Variants in TMEM51 observed in about 807,000 individuals in gnomAD.
TMEM51 encodes the protein transmembrane protein 51, also known as chromosome 1 open reading frame 72.
A neutral mutation model predicts 13.6 loss-of-function variants in TMEM51; 8 were observed. The ratio of observed to expected loss-of-function variants is 0.59; its 90% confidence interval spans 0.35 to 1.07. The LOEUF is 1.07. Among genes scored for constraint, TMEM51 ranks in the 50% least tolerant of loss-of-function variants. The probability of loss-of-function intolerance (pLI) is 0.02; values close to 1 mark genes in which losing one functional copy is unlikely to be tolerated. For missense variants in TMEM51, 279 were observed against 330.7 expected, an observed-to-expected ratio of 0.84 and a Z score of 1.21; for synonymous variants, 147 against 144.4, an observed-to-expected ratio of 1.02 and a Z score of -0.13.
At chr1:15,167,423 C>T (rs1262793859) in intron 1 of TMEM51, among the ~76,000 whole-genome samples, 1 of 147,388 alleles carries the variant, frequency 6.8e-6, no homozygotes, top group African/African-American at 2.5e-5. Flanking sequence ...CGACAGTTTA[C>T]TTATCCCTTC....
intron 1 of TMEM51, chr1:15,192,743 G>A (rs573930496): frequency 7.3e-5 from 12 of 165,330 alleles, no homozygotes; most frequent in Non-Finnish European, 1.2e-4. Flanking sequence ...GAGCCACTGC[G>A]CCTGGCCGGT....
chr1:15,200,466 A>T (rs899597745), intron 1 of TMEM51, among the ~76,000 whole-genome samples: 1 of 148,638 alleles, frequency 6.7e-6, no homozygotes, highest in Non-Finnish European at 1.5e-5. Flanking sequence ...ACACGGAGGG[A>T]CAACCGCGTG....
Position 15,219,632 on chromosome 1 carries a change from G to T in TMEM51, c.651G>T (p.Arg217Ser). ...AAAAGCTTCACCTCAAAGACTTTAG[G>T]ATCAACCTCCCAGACAAAAACGTCC... Reference protein sequence around the residue: ...KSEKLHLKDFRINLPDKNVPP... With the variant: ...KSEKLHLKDFSINLPDKNVPP... The change falls in exon 4 of 4, where the codon AGG becomes AGT. Residue 217 changes from arginine to serine, a missense_variant. Physicochemically the swap from Arg to Ser is moderately radical, Grantham distance 110 (BLOSUM62 -1). Coordinates refer to ENST00000376008, the MANE Select transcript of TMEM51 (RefSeq NM_001136218.2). The T allele has an allele frequency of 6.2e-7, 1 of 1,614,034 alleles. No individual in the cohort carries two copies. The highest frequency in any genetic ancestry group is 8.5e-7 in the Non-Finnish European group (1 of 1,180,036).
At chr1:15,189,213 CTTTTTT>C (rs59346950) in intron 1 of TMEM51, among the ~76,000 whole-genome samples, 13 of 92,852 alleles carry the variant, frequency 1.4e-4, no homozygotes, top group Admixed American at 2.4e-4. Flanking sequence ...CTAATTTTTC[CTTTTTT>C]TTTTTTTTTT....
intron 1 of TMEM51, among the ~76,000 whole-genome samples, chr1:15,158,619 A>G (rs1336839417): frequency 6.6e-6 from 1 of 152,194 alleles, no homozygotes; most frequent in African/African-American, 2.4e-5. Flanking sequence ...AGGCGTTTCA[A>G]TAGCAAAGAT....
chr1:15,155,623 G>A (rs1302445281), intron 1 of TMEM51, among the ~76,000 whole-genome samples: 1 of 152,154 alleles, frequency 6.6e-6, no homozygotes, highest in Non-Finnish European at 1.5e-5. Context: ...TGGGCAGATC[G>A]AACAGCACAG....
At chr1:15,165,691 A>G (rs1360083852) in intron 1 of TMEM51, among the ~76,000 whole-genome samples, 1 of 152,244 alleles carries the variant, frequency 6.6e-6, no homozygotes, top group East Asian at 1.9e-4. Context: ...TATAATAGCA[A>G]TAAAACTAAA....
chr1:15,177,796 C>T (rs1183775096), intron 1 of TMEM51, among the ~76,000 whole-genome samples: 1 of 152,144 alleles, frequency 6.6e-6, no homozygotes, highest in Non-Finnish European at 1.5e-5. Context: ...GAATATTTCC[C>T]AGGTTATCAG....
At chr1:15,185,533 A>G (rs1048304989) in intron 1 of TMEM51, among the ~76,000 whole-genome samples, 22 of 152,212 alleles carry the variant, frequency 1.4e-4, no homozygotes, top group African/African-American at 5.3e-4. Flanking sequence ...ATTTACTGGG[A>G]TATTAATTTC....
At chr1:15,163,037 T>TA (rs766079423) in intron 1 of TMEM51, among the ~76,000 whole-genome samples, 18 of 152,024 alleles carry the variant, frequency 1.2e-4, no homozygotes, top group Non-Finnish European at 2.6e-4. Context: ...TTTATCACAC[T>TA]AAAAAGTTGG....
chr1:15,168,756 C>T, intron 1 of TMEM51: 5 of 1,304,244 alleles, frequency 3.8e-6, no homozygotes, highest in Non-Finnish European at 5.1e-6. Flanking sequence ...GACAAACTTG[C>T]TTCCCACAAG....
chr1:15,158,195 A>G (rs1444656579), intron 1 of TMEM51, among the ~76,000 whole-genome samples: 2 of 152,088 alleles, frequency 1.3e-5, no homozygotes, highest in African/African-American at 4.8e-5. Flanking sequence ...ACGTGCTTCC[A>G]CCCCTTGATG....
At chr1:15,179,559 G>A (rs1643549639) in intron 1 of TMEM51, among the ~76,000 whole-genome samples, 1 of 152,150 alleles carries the variant, frequency 6.6e-6, no homozygotes, top group South Asian at 2.1e-4. Context: ...GAGGTGGGAG[G>A]ATCACTTGAG....
intron 1 of TMEM51, among the ~76,000 whole-genome samples, chr1:15,182,103 G>A (rs989007334): frequency 2.0e-5 from 3 of 152,156 alleles, no homozygotes; most frequent in African/African-American, 7.2e-5. Flanking sequence ...GGAGGTTGCA[G>A]TTAGCCGAGA....
At chr1:15,159,408 G>A (rs1018620833) in intron 1 of TMEM51, among the ~76,000 whole-genome samples, 1 of 152,160 alleles carries the variant, frequency 6.6e-6, no homozygotes. Flanking sequence ...TCACTGTTGC[G>A]TGCACTAGGA....
intron 1 of TMEM51, among the ~76,000 whole-genome samples, chr1:15,204,562 T>C (rs1287336960): frequency 6.6e-6 from 1 of 152,088 alleles, no homozygotes; most frequent in Non-Finnish European, 1.5e-5. Flanking sequence ...TGATGGGAAC[T>C]CTGCCCTGCC....
chr1:15,167,317 A>T (rs1643047178), intron 1 of TMEM51, among the ~76,000 whole-genome samples: 1 of 117,312 alleles, frequency 8.5e-6, no homozygotes. Flanking sequence ...ACAGAGCGAG[A>T]CTCCATCTCA....
At chr1:15,219,088 T>G (rs557404640) in intron 3 of TMEM51, among the ~76,000 whole-genome samples, 1 of 152,076 alleles carries the variant, frequency 6.6e-6, no homozygotes, top group African/African-American at 2.4e-5. Context: ...CTGTCCTGCA[T>G]GACTAGTACT....
At chr1:15,177,364 C>T (rs970168692) in intron 1 of TMEM51, among the ~76,000 whole-genome samples, 2 of 152,084 alleles carry the variant, frequency 1.3e-5, no homozygotes, top group African/African-American at 2.4e-5. Flanking sequence ...TGCCCAAGGT[C>T]ACTGAGATTT....
Sources: allele counts gnomAD v4.1 joint callset (sites outside exome capture counted in the v4.1 genomes callset), GRCh38; gene constraint gnomAD v4.1.1; transcripts MANE v1.5; gene names NCBI Gene and HGNC (gene_info 2026-07-23, HGNC 2026-07-21).